The following SMARCAL1 variants were observed in gnomAD, a reference collection of about 807,000 sequenced individuals.
SMARCAL1 encodes the protein SNF2 related chromatin remodeling annealing helicase 1.
In SMARCAL1, 58 loss-of-function variants were observed where a neutral mutation model predicts 94.5. The observed-to-expected ratio is 0.61, with a 90% CI of 0.50 to 0.76. The LOEUF (loss-of-function observed/expected upper bound fraction) is 0.76. Ranked by LOEUF, SMARCAL1 falls within the 30% of genes least tolerant of loss-of-function variation. SMARCAL1 has a pLI of 0.00. For synonymous variants in SMARCAL1, 422 were observed against 455.1 expected (o/e 0.93, Z 0.93); for missense variants, 1,051 against 1,177.9 (o/e 0.89, Z 1.58).
Position 216,438,504 on chromosome 2 carries a change from T to A in SMARCAL1, c.1710+19T>A. The A allele has an allele frequency of 6.2e-7, 1 of 1,605,664 alleles. No homozygotes were observed. Among genetic ancestry groups the A allele is most frequent in the Non-Finnish European group, 8.5e-7 (1 of 1,172,724 alleles). On this transcript the variant is annotated intron_variant, in intron 10 of 17. Transcript: ENST00000357276. The stretch of plus-strand genomic sequence containing the variant: ...CCTAAAGGTGAGTACTTCTGAGAAC[T>A]GAGCCCACTGAGCATTGGCATCCCA...
chr2:216,481,703 C>T (rs1695204862), intron 17 of SMARCAL1, among the ~76,000 whole-genome samples: 1 of 151,934 alleles, frequency 6.6e-6, no homozygotes, highest in African/African-American at 2.4e-5. Context: ...TGGGGTTTCA[C>T]CACGTTGGCC....
At chr2:216,472,250 G>C (rs539459086) in intron 14 of SMARCAL1, among the ~76,000 whole-genome samples, 1 of 152,128 alleles carries the variant, frequency 6.6e-6, no homozygotes, top group East Asian at 1.9e-4. Flanking sequence ...AGCTAGTCAG[G>C]AGGCTGAGAC....
intron 13 of SMARCAL1, among the ~76,000 whole-genome samples, chr2:216,466,819 C>A (rs1472260528): frequency 6.6e-6 from 1 of 152,140 alleles, no homozygotes; most frequent in Non-Finnish European, 1.5e-5. Flanking sequence ...AAAGTAAATT[C>A]TATTAGTATC....
chr2:216,416,434 C>T, intron 4 of SMARCAL1, 127 bp downstream of exon 4: 5 of 788,818 alleles, frequency 6.3e-6, no homozygotes, highest in South Asian at 2.7e-5. Context: ...GGCACCCCCC[C>T]CAACACTCCT....
chr2:216,415,199 G>A lies in SMARCAL1; in HGVS notation c.495G>A (p.Lys165=), dbSNP rs2106014890. Residue 165 remains lysine (K), a synonymous_variant, in exon 3 of 18, where the codon AAG becomes AAA. Coordinates refer to ENST00000357276, the MANE Select transcript of SMARCAL1 (RefSeq NM_014140.4). ...CACCCTTTGCTAACCCAACTCATAA[G>A]CCTCTGGCCAAACCAAAGAGTTCCC... ...RFTPFANPTH[K]PLAKPKSSQE... 2 of 1,613,998 alleles carry A rather than the reference G, an allele frequency of 1.2e-6. No individual in the cohort carries two copies. Among genetic ancestry groups the A allele is most frequent in the South Asian group, 1.1e-5 (1 of 91,074 alleles).
Position 216,420,363 on chromosome 2 carries a change from C to T in SMARCAL1, c.927C>T (p.Ser309=), listed in dbSNP as rs139949668. ...CTCTGGAATGGGCCTATGGCAGCAG[C>T]GAGTCACCCTCCACCAGCAGTGAGG... is the stretch of plus-strand genomic sequence containing the variant. ...LQPLEWAYGS[S]ESPSTSSEGQ... is the part of the protein sequence containing the mutation. The change falls in exon 5 of 18, where the codon AGC becomes AGT. Residue 309 remains serine, a synonymous_variant. Transcript: ENST00000357276. The T allele has an allele frequency of 1.4e-4, 218 of 1,614,176 alleles. No homozygotes were observed. In the Middle Eastern group the frequency reaches 1.5e-3, roughly 11 times the overall value.
chr2:216,419,804 T>C (rs1329761288), intron 4 of SMARCAL1, among the ~76,000 whole-genome samples: 4 of 151,690 alleles, frequency 2.6e-5, no homozygotes, highest in Non-Finnish European at 5.9e-5. Flanking sequence ...CTAAGGTGCG[T>C]AGATGGTTTG....
intron 5 of SMARCAL1, among the ~76,000 whole-genome samples, chr2:216,421,607 A>C (rs977074278): frequency 1.3e-5 from 2 of 152,136 alleles, no homozygotes; most frequent in East Asian, 3.9e-4. Flanking sequence ...TTAGTTTTTC[A>C]TGAGGTTCTT....
At chr2:216,420,572 T>G (rs751890702) in intron 5 of SMARCAL1, 40 bp downstream of exon 5, 34 of 1,492,650 alleles carry the variant, frequency 2.3e-5, no homozygotes, top group Non-Finnish European at 2.9e-5. Context: ...GAATGTGTAG[T>G]GGTCTGTGAT....
In SMARCAL1 at chr2:216,442,977, C is replaced by T. The variant is rs148058813; in HGVS notation, c.1711-4041C>T. 4.1e-3 allele frequency among the ~76,000 whole-genome samples: 627 copies of T among 152,162 alleles called. 4 individuals are homozygous for T. The highest frequency in any genetic ancestry group is 0.014 in the African/African-American group (570 of 41,494). On this transcript the variant is annotated intron_variant, in intron 10 of 17. Transcript: ENST00000357276. Reference sequence around the variant, plus strand: ...GAGGCTATAGAAGTCCCCTGAGGTCCGGCCATTCTCATTTATTTCCTCACT... The same window carrying T: ...GAGGCTATAGAAGTCCCCTGAGGTCTGGCCATTCTCATTTATTTCCTCACT...
At chr2:216,442,125 T>C (rs1343543819) in intron 10 of SMARCAL1, among the ~76,000 whole-genome samples, 1 of 152,054 alleles carries the variant, frequency 6.6e-6, no homozygotes, top group Non-Finnish European at 1.5e-5. Context: ...AGATGATAAA[T>C]TCAAATGGGG....
intron 6 of SMARCAL1, among the ~76,000 whole-genome samples, chr2:216,425,950 C>A (rs958262376): frequency 6.6e-6 from 1 of 152,210 alleles, no homozygotes; most frequent in Non-Finnish European, 1.5e-5. Context: ...TGTGGACCCA[C>A]CCCTGTCTGC....
chr2:216,416,230 A>T (rs758102337), intron 3 of SMARCAL1, 27 bp from the exon 4 acceptor site: 1 of 1,608,156 alleles, frequency 6.2e-7, no homozygotes, highest in Admixed American at 1.7e-5. Context: ...AATTGTCAAC[A>T]GTCATCAGTC....
chr2:216,459,630 A>G (rs1318643560), intron 12 of SMARCAL1, among the ~76,000 whole-genome samples: 1 of 152,180 alleles, frequency 6.6e-6, no homozygotes, highest in African/African-American at 2.4e-5. Flanking sequence ...CTGGCTAGCC[A>G]TATGTAGAAA....
chr2:216,423,057 A>G (rs284562), intron 5 of SMARCAL1, among the ~76,000 whole-genome samples: 66,270 of 152,052 alleles, frequency 0.44, 16,535 homozygotes, highest in African/African-American at 0.7. Context: ...AGGGGTTGTA[A>G]TATCTTTATT....
At chr2:216,439,334 G>A (rs1005533272) in intron 10 of SMARCAL1, among the ~76,000 whole-genome samples, 1 of 142,540 alleles carries the variant, frequency 7.0e-6, no homozygotes, top group African/African-American at 2.6e-5. Context: ...TGGGGGGGGG[G>A]GATGATTTTT....
chr2:216,455,197 G>T (rs1158373496), intron 12 of SMARCAL1, among the ~76,000 whole-genome samples: 1 of 152,248 alleles, frequency 6.6e-6, no homozygotes, highest in East Asian at 1.9e-4. Flanking sequence ...AAACAAAGCA[G>T]CTGGGAAGCT....
intron 7 of SMARCAL1, among the ~76,000 whole-genome samples, chr2:216,429,610 G>A (rs1693917839): frequency 6.6e-6 from 1 of 152,210 alleles, no homozygotes; most frequent in Non-Finnish European, 1.5e-5. Flanking sequence ...ATTAGACAGT[G>A]TAGTTGAACA....
At position 216,429,423 on chromosome 2, in the gene SMARCAL1, G is replaced by A. The variant is rs141449710; in HGVS notation, c.1334+641G>A. On this transcript the variant is annotated intron_variant, in intron 7 of 17. Coordinates refer to ENST00000357276, the MANE Select transcript of SMARCAL1 (RefSeq NM_014140.4). ...TGGCAGTTCTCCAAAAGAAAGTCAA[G>A]GTGCTCTTATTAGAGGAAGAAAAAA... is the stretch of plus-strand genomic sequence containing the variant. Among the ~76,000 whole-genome samples the A allele has an allele frequency of 2.3e-3, 352 of 152,252 alleles. 1 individual carries two copies. Among genetic ancestry groups the A allele is most frequent in the African/African-American group, 7.8e-3 (325 of 41,560 alleles).
Sources: allele counts gnomAD v4.1 joint callset (sites outside exome capture counted in the v4.1 genomes callset), GRCh38; gene constraint gnomAD v4.1.1; transcripts MANE v1.5; gene names NCBI Gene and HGNC (gene_info 2026-07-23, HGNC 2026-07-21).